Variants in SYNE1 observed in about 807,000 individuals in gnomAD.
SYNE1 encodes the protein spectrin repeat containing nuclear envelope protein 1, also known as nesprin-1.
In SYNE1, 616 loss-of-function variants were observed where a neutral mutation model predicts 1,111.0. The observed-to-expected ratio is 0.55, with a 90% CI of 0.52 to 0.59. The LOEUF (loss-of-function observed/expected upper bound fraction) is 0.59, where lower values mean the gene tolerates loss of function less well. Ranked by LOEUF, SYNE1 falls within the 20% of genes least tolerant of loss-of-function variation. The pLI, the probability that SYNE1 is intolerant of heterozygous loss-of-function variation, is 0.00. For synonymous variants in SYNE1, 3,855 were observed against 3,825.8 expected (o/e 1.01, Z -0.28); for missense variants, 10,006 against 10,417.0 (o/e 0.96, Z 1.72).
intron 127 of SYNE1, among the ~76,000 whole-genome samples, chr6:152,200,690 C>A (rs1335619488): frequency 6.6e-6 from 1 of 152,162 alleles, no homozygotes; most frequent in East Asian, 1.9e-4. Flanking sequence ...CCACCACACC[C>A]GGCTTCTTTA....
intron 3 of SYNE1, among the ~76,000 whole-genome samples, chr6:152,548,030 T>A (rs2099322828): frequency 6.6e-6 from 1 of 152,064 alleles, no homozygotes; most frequent in Admixed American, 6.6e-5. Context: ...TCAATAAGGC[T>A]GGGGAAAAAA....
chr6:152,344,263 T>C (rs773519615), intron 73 of SYNE1, 36 bp from the exon 74 acceptor site: 2 of 1,613,836 alleles, frequency 1.2e-6, no homozygotes, highest in South Asian at 2.2e-5. Flanking sequence ...TTATGAGAAC[T>C]GCTTTCTACC....
chr6:152,381,598 C>T (rs1407568095), intron 55 of SYNE1: 1 of 575,064 alleles, frequency 1.7e-6, no homozygotes, highest in Admixed American at 3.0e-5. Context: ...CTGAAACAGA[C>T]TAAACAGAGA....
At chr6:152,587,973 C>T (rs1347785035) in intron 3 of SYNE1, among the ~76,000 whole-genome samples, 1 of 152,188 alleles carries the variant, frequency 6.6e-6, no homozygotes, top group Non-Finnish European at 1.5e-5. Context: ...CCAACTCTTA[C>T]ATTGGGCTTG....
intron 3 of SYNE1, among the ~76,000 whole-genome samples, chr6:152,625,507 T>C (rs1225878503): frequency 6.6e-6 from 1 of 152,212 alleles, no homozygotes; most frequent in South Asian, 2.1e-4. Context: ...GTAGCCAACA[T>C]AACCTATAGA....
chr6:152,618,103 T>G (rs2695245), intron 3 of SYNE1, among the ~76,000 whole-genome samples: 1,621 of 152,148 alleles, frequency 0.011, 24 homozygotes, highest in African/African-American at 0.036. Context: ...TGAAAGATCT[T>G]TCTTATTACA....
chr6:152,555,030 G>A (rs2099360189), intron 3 of SYNE1, among the ~76,000 whole-genome samples: 1 of 152,164 alleles, frequency 6.6e-6, no homozygotes, highest in Admixed American at 6.5e-5. Flanking sequence ...CTTAAAAGAG[G>A]AAGACTTATA....
chr6:152,540,886 T>G (rs1356751994), intron 3 of SYNE1, among the ~76,000 whole-genome samples: 1 of 152,162 alleles, frequency 6.6e-6, no homozygotes, highest in African/African-American at 2.4e-5. Context: ...CTGTTAACAT[T>G]GTGACAGAGC....
At position 152,359,556 on chromosome 6, in the gene SYNE1, G is replaced by C; in HGVS notation, c.10300-98C>G. On this transcript the variant is annotated intron_variant, in intron 64 of 145. Transcript: ENST00000367255. ...TATTTTAATTGTACAGTTGACAAGT[G>C]ACCTCAGGTTATTTATTCGTCCACT... 3 of 1,487,098 alleles carry C rather than the reference G, an allele frequency of 2.0e-6. No individual in the cohort carries two copies. In the Admixed American group the frequency reaches 5.3e-5, roughly 26 times the overall value. 92.1% of individuals were successfully genotyped at this position (1,487,098 alleles called of 1,614,324 possible). A position where few individuals can be genotyped will look rare whatever the true frequency, so the allele number is the denominator to read the frequency against.
At chr6:152,580,953 T>C (rs999404277) in intron 3 of SYNE1, among the ~76,000 whole-genome samples, 11 of 152,228 alleles carry the variant, frequency 7.2e-5, no homozygotes, top group African/African-American at 1.9e-4. Context: ...TTGGCATTCA[T>C]TGGGCTACAT....
At chr6:152,389,453 C>T (rs986989317) in intron 53 of SYNE1, among the ~76,000 whole-genome samples, 1 of 152,104 alleles carries the variant, frequency 6.6e-6, no homozygotes, top group African/African-American at 2.4e-5. Context: ...ACATTGGGCA[C>T]CCAGTGTGTC....
chr6:152,425,325 G>A (rs982291316), intron 39 of SYNE1, 56 bp downstream of exon 39: 11 of 1,555,342 alleles, frequency 7.1e-6, no homozygotes, highest in African/African-American at 1.4e-5. Context: ...TAATTTATAT[G>A]CTCATCATTT....
At chr6:152,220,715 C>T (rs1358728455) in intron 119 of SYNE1, 127 bp downstream of exon 119, 1 of 870,136 alleles carries the variant, frequency 1.1e-6, no homozygotes, top group Non-Finnish European at 2.0e-6. Flanking sequence ...CTCTTTGATC[C>T]TAAGACAGTT....
intron 56 of SYNE1, chr6:152,380,446 C>CA (rs1229577439): frequency 0.039 from 4,161 of 106,998 alleles, 225 homozygotes; most frequent in East Asian, 0.31. Context: ...CCATTAGCTT[C>CA]AAAAAAAAAA....
chr6:152,416,352 A>G (rs1256792185), intron 41 of SYNE1, 35 bp downstream of exon 41: 1 of 1,611,540 alleles, frequency 6.2e-7, no homozygotes, highest in African/African-American at 1.3e-5. Flanking sequence ...ATACAAAAGA[A>G]AAGAGACAAG....
intron 119 of SYNE1, among the ~76,000 whole-genome samples, chr6:152,219,639 C>A (rs2079628017): frequency 6.6e-6 from 1 of 152,102 alleles, no homozygotes; most frequent in Non-Finnish European, 1.5e-5. Context: ...ATCATACACA[C>A]CAGGAATTTG....
rs752922869 is a variant in SYNE1 at position 152,330,095 on chromosome 6, C to T, written c.14590G>A (p.Glu4864Lys). The change falls in exon 78 of 146, where the codon GAG becomes AAG. Residue 4864 changes from glutamate to lysine, a missense_variant. This residue lies in a region of SYNE1 where 4,955 missense variants were observed against 5,017.2 expected (regional missense o/e 0.99). Transcript: ENST00000367255. ...ATGGCAGAAGTCAACAGTTTTAACT[C>T]CCCTTGCCAGGACTGGATCTGATGC... Reference protein sequence around the residue: ...ARHQIQSWQGELKLLTSAIGE... With the variant: ...ARHQIQSWQGKLKLLTSAIGE... 37 of 1,614,078 alleles carry T rather than the reference C, an allele frequency of 2.3e-5. No individual in the cohort carries two copies. In the East Asian group the frequency reaches 2.4e-4, roughly 11 times the overall value.
At chr6:152,220,667 CT>C (rs2079966726) in intron 119 of SYNE1, among the ~76,000 whole-genome samples, 174 bp downstream of exon 119, 1 of 152,214 alleles carries the variant, frequency 6.6e-6, no homozygotes, top group Admixed American at 6.5e-5. Context: ...ACCTCTTAGT[CT>C]GATGCATGTG....
At chr6:152,435,301 C>T (rs1038186669) in intron 33 of SYNE1, 1 of 151,338 alleles carries the variant, frequency 6.6e-6, no homozygotes, top group Non-Finnish European at 1.5e-5. Flanking sequence ...ATAATATTGG[C>T]TGTATCCTCA....
Sources: gnomAD v4.1 joint callset for allele counts (sites outside exome capture counted in the v4.1 genomes callset) on GRCh38, gnomAD v4.1.1 for gene constraint, gnomAD v4.1.1 regional missense constraint, MANE v1.5 for transcripts, NCBI Gene and HGNC (gene_info 2026-07-23, HGNC 2026-07-21) for gene names.